Variants in KCNU1 observed in about 807,000 individuals in gnomAD.
KCNU1 encodes potassium calcium-activated channel subfamily U member 1.
In KCNU1, 93 loss-of-function variants were observed where a neutral mutation model predicts 126.8. The observed-to-expected ratio is 0.73, with a 90% CI of 0.62 to 0.87. The LOEUF (loss-of-function observed/expected upper bound fraction) is 0.87. Among genes scored for constraint, KCNU1 ranks in the 40% least tolerant of loss-of-function variants. The probability of loss-of-function intolerance (pLI) is 0.00; values close to 1 mark genes in which losing one functional copy is unlikely to be tolerated. For missense variants in KCNU1, 1,330 were observed against 1,367.1 expected, an observed-to-expected ratio of 0.97 and a Z score of 0.43; for synonymous variants, 523 against 494.2, an observed-to-expected ratio of 1.06 and a Z score of -0.77.
At chr8:36,871,390 C>CATATATAT (rs35847916) in intron 19 of KCNU1, among the ~76,000 whole-genome samples, 5 of 148,638 alleles carry the variant, frequency 3.4e-5, no homozygotes, top group African/African-American at 1.2e-4. Context: ...AGCAAAGTAC[C>CATATATAT]ATATATATAT....
chr8:36,812,346 C>T (rs1803751909), intron 7 of KCNU1, among the ~76,000 whole-genome samples: 1 of 147,220 alleles, frequency 6.8e-6, no homozygotes, highest in South Asian at 2.1e-4. Context: ...TACCACTGCA[C>T]TCCAGCCTGA....
chr8:36,884,908 C>G (rs1049906549), intron 19 of KCNU1, among the ~76,000 whole-genome samples: 8 of 152,168 alleles, frequency 5.3e-5, no homozygotes, highest in African/African-American at 1.9e-4. Flanking sequence ...GTCATCACTC[C>G]TGTCCTTACA....
chr8:36,831,734 C>A lies in KCNU1; in HGVS notation c.1107-1820C>A, dbSNP rs1374499993. On this transcript the variant is annotated intron_variant, in intron 10 of 26. Transcript: ENST00000399881. ...TGCCTGTTCACTCTGATGGTAGTTTCTTTTGCTGTGCAGAAGCTCTTTAGT... is the reference window on the plus strand; with the variant it reads ...TGCCTGTTCACTCTGATGGTAGTTTATTTTGCTGTGCAGAAGCTCTTTAGT... Among the ~76,000 whole-genome samples, 4 of 148,802 alleles carry A rather than the reference C, an allele frequency of 2.7e-5. No individual in the cohort carries two copies. In the East Asian group the frequency reaches 7.9e-4, roughly 29 times the overall value.
rs1374510168 is a variant in KCNU1 at position 36,931,006 on chromosome 8, T to A, written c.2792T>A (p.Val931Glu). The A allele has an allele frequency of 6.2e-7, 1 of 1,609,504 alleles. No homozygotes were observed. Among genetic ancestry groups the A allele is most frequent in the Admixed American group, 1.7e-5 (1 of 59,288 alleles). The change falls in exon 25 of 27, where the codon GTA (valine) becomes GAA (glutamate). Residue 931 changes from valine (V) to glutamate (E), a missense_variant. Physicochemically the swap from Val to Glu is moderately radical, Grantham distance 121. Coordinates refer to ENST00000399881, the MANE Select transcript of KCNU1 (RefSeq NM_001031836.3). ...CTTCAGATGCTGGTGACAGGAGGAG[T>A]AAGTTCTCAGCTGGAACAACATTTA... Reference protein sequence around the residue: ...ELLQMLVTGGVSSQLEQHLDK... With the variant: ...ELLQMLVTGGESSQLEQHLDK...
Position 36,873,954 on chromosome 8 carries a change from A to G in KCNU1, c.2009+9433A>G, listed in dbSNP as rs188501191. ...AAAAAATCTCTTGCAACCTGCTGAA[A>G]TATCATTATTAAAATGCACATGAAA... On this transcript the variant is annotated intron_variant, in intron 19 of 26. Coordinates refer to ENST00000399881, the MANE Select transcript of KCNU1 (RefSeq NM_001031836.3). 1.2e-3 allele frequency among the ~76,000 whole-genome samples: 178 copies of G among 152,346 alleles called. 1 individual carries two copies. The highest frequency in any genetic ancestry group is 6.8e-3 in the Middle Eastern group (2 of 294).
At chr8:36,805,497 C>T (rs975709780) in intron 4 of KCNU1, among the ~76,000 whole-genome samples, 4 of 152,146 alleles carry the variant, frequency 2.6e-5, no homozygotes, top group Admixed American at 6.6e-5. Context: ...CAACACAACA[C>T]GAAAGTAATT....
intron 10 of KCNU1, among the ~76,000 whole-genome samples, chr8:36,822,840 C>T (rs77161417): frequency 1.2e-4 from 18 of 152,148 alleles, no homozygotes; most frequent in East Asian, 5.8e-4. Context: ...TATGAGTGGG[C>T]GCATAAAGGT....
In KCNU1 at chr8:36,817,767, A is replaced by G. The variant is rs1365289706; in HGVS notation, c.1106+7A>G. The G allele has an allele frequency of 1.4e-6, 2 of 1,389,066 alleles. No homozygotes were observed. The highest frequency in any genetic ancestry group is 1.7e-5 in the Admixed American group (1 of 59,706). 86.0% of individuals were successfully genotyped at this position (1,389,066 alleles called of 1,614,324 possible). On this transcript the variant is annotated splice_region_variant and intron_variant, in intron 10 of 26. Transcript: ENST00000399881. ...AAATTGTTTTCCTGGGAGAGTAAGT[A>G]TATCTGTATGGCTCATGGGTTCTAA... is the stretch of plus-strand genomic sequence containing the variant.
At chr8:36,903,078 C>T (rs919514908) in intron 19 of KCNU1, among the ~76,000 whole-genome samples, 5 of 152,058 alleles carry the variant, frequency 3.3e-5, no homozygotes, top group African/African-American at 1.2e-4. Context: ...TAGGAATTAC[C>T]CTCTCTGACT....
At chr8:36,874,799 G>A (rs147318050) in intron 19 of KCNU1, among the ~76,000 whole-genome samples, 4 of 152,176 alleles carry the variant, frequency 2.6e-5, no homozygotes, top group Admixed American at 6.5e-5. Flanking sequence ...TAACAGTCCC[G>A]ATTTAATTGG....
intron 20 of KCNU1, among the ~76,000 whole-genome samples, chr8:36,908,373 G>A (rs1445825762): frequency 1.3e-5 from 2 of 151,982 alleles, no homozygotes; most frequent in African/African-American, 4.8e-5. Context: ...GAGATCAAAT[G>A]AAATTTTTTT....
intron 2 of KCNU1, 67 bp from the exon 3 acceptor site, chr8:36,803,960 A>C (rs1803404546): frequency 9.5e-7 from 1 of 1,056,400 alleles, no homozygotes; most frequent in East Asian, 2.6e-5. Flanking sequence ...GAGAAAACAC[A>C]CTTTTGTCGA....
intron 24 of KCNU1, among the ~76,000 whole-genome samples, chr8:36,923,774 G>T (rs1354639270): frequency 1.3e-5 from 2 of 152,160 alleles, no homozygotes; most frequent in African/African-American, 4.8e-5. Context: ...TACCCAATTT[G>T]CTAATAACCT....
In KCNU1 at chr8:36,807,463, G is replaced by A. The variant is rs960992746; in HGVS notation, c.656+13G>A. 6.3e-7 allele frequency: 1 copy of A among 1,586,128 alleles called. No homozygotes were observed. Among genetic ancestry groups the A allele is most frequent in the Non-Finnish European group, 8.7e-7 (1 of 1,154,938 alleles). ...CCATCAAGACCAGGTAAATAGCCCT[G>A]ACCGAAGTACTGCTTACTTATTAGT... On this transcript the variant is annotated intron_variant, in intron 6 of 26. Coordinates refer to ENST00000399881, the MANE Select transcript of KCNU1 (RefSeq NM_001031836.3).
At chr8:36,863,508 A>T (rs1248938088) in intron 18 of KCNU1, among the ~76,000 whole-genome samples, 1 of 152,186 alleles carries the variant, frequency 6.6e-6, no homozygotes, top group Non-Finnish European at 1.5e-5. Flanking sequence ...TGGCAAGCGG[A>T]TCACACAGGC....
At chr8:36,854,726 C>T (rs1805472374) in intron 18 of KCNU1, among the ~76,000 whole-genome samples, 1 of 152,114 alleles carries the variant, frequency 6.6e-6, no homozygotes, top group Non-Finnish European at 1.5e-5. Context: ...ATCTGAGCTT[C>T]TCTCAAGGAT....
chr8:36,805,919 C>T (rs1273383565), intron 4 of KCNU1, among the ~76,000 whole-genome samples: 1 of 152,156 alleles, frequency 6.6e-6, no homozygotes, highest in Non-Finnish European at 1.5e-5. Context: ...TCTTGGCTCA[C>T]TGCAACCTCT....
In KCNU1 at chr8:36,815,646, G is replaced by A. The variant is rs1337901310; in HGVS notation, c.954G>A (p.Lys318=). 22 of 1,596,876 alleles carry A rather than the reference G, an allele frequency of 1.4e-5. No individual in the cohort carries two copies. The highest frequency in any genetic ancestry group is 1.8e-5 in the Non-Finnish European group (21 of 1,171,224). Residue 318 remains lysine, a synonymous_variant, in exon 9 of 27, where the codon AAG becomes AAA. Transcript: ENST00000399881. ...AAATGGTGGAACTGTTTGCTAACAA[G>A]AGGAAATACACCAGTTCCTATGAAG... ...IPEMVELFAN[K]RKYTSSYEAL...
In KCNU1 at chr8:36,790,847, A is replaced by G. The variant is rs532914323; in HGVS notation, c.315+3422A>G. Among the ~76,000 whole-genome samples the G allele has an allele frequency of 6.6e-5, 10 of 152,228 alleles. No individual in the cohort carries two copies. In the South Asian group the frequency reaches 1.0e-3, roughly 16 times the overall value. On this transcript the variant is annotated intron_variant, in intron 2 of 26. Coordinates refer to ENST00000399881, the MANE Select transcript of KCNU1 (RefSeq NM_001031836.3). ...CATTACATTTTCTTTTCCAATGAAG[A>G]CACAGTACTTATATGAAAATCCCCC...
Sources: gnomAD v4.1 joint callset for allele counts (sites outside exome capture counted in the v4.1 genomes callset) on GRCh38, gnomAD v4.1.1 for gene constraint, MANE v1.5 for transcripts, NCBI Gene and HGNC (gene_info 2026-07-23, HGNC 2026-07-21) for gene names.